ATP10B: variants seen among roughly 807,000 people sequenced by gnomAD.
ATP10B encodes the protein phospholipid-transporting ATPase VB.
Under a neutral mutation model 141.2 loss-of-function variants are expected in ATP10B, and 122 were observed. The observed-to-expected ratio is 0.86, with a 90% confidence interval of 0.75 to 1.00. The LOEUF (loss-of-function observed/expected upper bound fraction) is 1.00. ATP10B is among the 50% of genes least tolerant of loss of function. The probability of loss-of-function intolerance (pLI) is 0.00; values close to 1 mark genes in which losing one functional copy is unlikely to be tolerated. For synonymous variants in ATP10B, 685 were observed against 692.0 expected (o/e 0.99, Z 0.16); for missense variants, 1,876 against 1,825.3 (o/e 1.03, Z -0.51).
the ATP10B span, among the ~76,000 whole-genome samples, chr5:160,927,650 T>G: frequency 3.3e-5 from 5 of 152,318 alleles, no homozygotes; most frequent in African/African-American, 1.2e-4. Flanking sequence ...GATTACTCAT[T>G]GACTCAGCAA....
At chr5:160,715,497 G>A (rs1765570883) in intron 3 of ATP10B, among the ~76,000 whole-genome samples, 1 of 143,230 alleles carries the variant, frequency 7.0e-6, no homozygotes, top group Non-Finnish European at 1.5e-5. Context: ...CACACACACT[G>A]GCCTGCGCCC....
At chr5:160,899,143 TAAA>T in the ATP10B span, among the ~76,000 whole-genome samples, 3 of 152,076 alleles carry the variant, frequency 2.0e-5, no homozygotes, top group African/African-American at 7.2e-5. Flanking sequence ...TAAGGTATAA[TAAA>T]AAGAGACAAT....
At chr5:160,874,755 G>A in the ATP10B span, among the ~76,000 whole-genome samples, 862 of 151,914 alleles carry the variant, frequency 5.7e-3, 10 homozygotes, top group African/African-American at 0.019. Context: ...CTCAGGAGCC[G>A]ATGCGATCAA....
At chr5:160,829,934 T>G (rs1774946254) in intron 1 of ATP10B, among the ~76,000 whole-genome samples, 1 of 152,148 alleles carries the variant, frequency 6.6e-6, no homozygotes, top group Admixed American at 6.6e-5. Flanking sequence ...CCTATCCGGA[T>G]GCCTTTTATT....
the ATP10B span, among the ~76,000 whole-genome samples, chr5:160,895,810 T>G: frequency 6.6e-6 from 1 of 152,164 alleles, no homozygotes; most frequent in African/African-American, 2.4e-5. Context: ...AAAACACTCC[T>G]CAGCAAATGC....
intron 2 of ATP10B, among the ~76,000 whole-genome samples, chr5:160,722,042 T>A (rs1198572329): frequency 1.3e-5 from 2 of 152,216 alleles, no homozygotes; most frequent in Non-Finnish European, 2.9e-5. Context: ...GAGGATTCCA[T>A]GAAATAATAT....
chr5:160,872,465 A>G, the ATP10B span, among the ~76,000 whole-genome samples: 2 of 152,204 alleles, frequency 1.3e-5, no homozygotes, highest in Non-Finnish European at 2.9e-5. Flanking sequence ...ACCAATGTCT[A>G]GAAAGGCTTT....
intron 8 of ATP10B, among the ~76,000 whole-genome samples, chr5:160,648,147 T>A (rs1216133973): frequency 6.6e-6 from 1 of 152,170 alleles, no homozygotes; most frequent in Non-Finnish European, 1.5e-5. Context: ...ATAATCCACA[T>A]CACGATATTC....
chr5:160,792,142 G>A (rs1771614956), intron 1 of ATP10B, among the ~76,000 whole-genome samples: 4 of 151,952 alleles, frequency 2.6e-5, no homozygotes, highest in Admixed American at 6.6e-5. Flanking sequence ...TCATAAACTG[G>A]GTTCTATGTA....
At chr5:160,899,253 G>T in the ATP10B span, among the ~76,000 whole-genome samples, 6 of 152,032 alleles carry the variant, frequency 3.9e-5, no homozygotes, top group African/African-American at 1.2e-4. Flanking sequence ...TTTTTAGTGG[G>T]TTATGAAGAA....
chr5:160,602,337 C>G (rs899601071), intron 21 of ATP10B, among the ~76,000 whole-genome samples: 13 of 152,340 alleles, frequency 8.5e-5, no homozygotes, highest in Admixed American at 8.5e-4. Flanking sequence ...ATGCTGCCCT[C>G]TGTGTGCCAG....
chr5:160,868,569 C>G, the ATP10B span, among the ~76,000 whole-genome samples: 1 of 147,936 alleles, frequency 6.8e-6, no homozygotes, highest in Admixed American at 6.8e-5. Context: ...CACACACACA[C>G]GATGCAACTA....
intron 1 of ATP10B, among the ~76,000 whole-genome samples, chr5:160,814,517 C>T (rs1024172057): frequency 2.0e-5 from 3 of 148,768 alleles, no homozygotes; most frequent in Non-Finnish European, 4.5e-5. Context: ...GATTGGCGTA[C>T]CTGAAAGTGA....
At chr5:160,844,982 T>A (rs1217907499) in intron 1 of ATP10B, among the ~76,000 whole-genome samples, 2 of 152,108 alleles carry the variant, frequency 1.3e-5, no homozygotes, top group Non-Finnish European at 2.9e-5. Context: ...ATACCAAAGC[T>A]TCTTGAATAT....
chr5:160,851,353 C>T (rs144205437), intron 1 of ATP10B, among the ~76,000 whole-genome samples: 7 of 152,268 alleles, frequency 4.6e-5, no homozygotes, highest in Non-Finnish European at 1.0e-4. Context: ...CATCACAGAC[C>T]TGCATGCATG....
intron 6 of ATP10B, among the ~76,000 whole-genome samples, chr5:160,680,252 T>C (rs533253421): frequency 1.9e-4 from 29 of 151,902 alleles, no homozygotes; most frequent in African/African-American, 7.0e-4. Flanking sequence ...ATAAATAAAA[T>C]GGATAGGGCT....
chr5:160,873,023 T>C, the ATP10B span, among the ~76,000 whole-genome samples: 1 of 152,182 alleles, frequency 6.6e-6, no homozygotes. Flanking sequence ...TGTGTTTCCA[T>C]TTGTTTGTGT....
intron 2 of ATP10B, among the ~76,000 whole-genome samples, chr5:160,723,497 T>G (rs2127784332): frequency 6.6e-6 from 1 of 152,336 alleles, no homozygotes; most frequent in Admixed American, 6.5e-5. Flanking sequence ...ATCATTTTGG[T>G]TATTTTCCCC....
chr5:160,749,627 G>A (rs1358674378), intron 2 of ATP10B, among the ~76,000 whole-genome samples: 2 of 152,102 alleles, frequency 1.3e-5, no homozygotes, highest in African/African-American at 4.8e-5. Context: ...CTAGTTGTGG[G>A]GCTGGGTCTC....
Sources: allele counts gnomAD v4.1 joint callset (sites outside exome capture counted in the v4.1 genomes callset), GRCh38; gene constraint gnomAD v4.1.1; transcripts MANE v1.5; gene names NCBI Gene and HGNC (gene_info 2026-07-23, HGNC 2026-07-21).